The following PA2G4 variants were observed in gnomAD, a reference collection of about 807,000 sequenced individuals.
PA2G4 encodes the protein proliferation-associated protein 2G4.
In PA2G4, 8 loss-of-function variants were observed where a neutral mutation model predicts 53.3. That is an observed-to-expected ratio of 0.15 (90% CI 0.09 to 0.27). The LOEUF is 0.27. Among genes scored for constraint, PA2G4 ranks in the 10% least tolerant of loss-of-function variants. The pLI is 1.00. For synonymous variants in PA2G4, 143 were observed against 169.8 expected (o/e 0.84, Z 1.23); for missense variants, 208 against 486.8 (o/e 0.43, Z 5.39).
chr12:56,108,285 C>T (rs1869342208), intron 5 of PA2G4, among the ~76,000 whole-genome samples: 1 of 152,208 alleles, frequency 6.6e-6, no homozygotes, highest in African/African-American at 2.4e-5. Flanking sequence ...ACTTAACACT[C>T]ATTTAACCTG....
At chr12:56,112,115 C>T (rs1043684006) in intron 12 of PA2G4, among the ~76,000 whole-genome samples, 5 of 152,104 alleles carry the variant, frequency 3.3e-5, no homozygotes, top group East Asian at 2.0e-4. Flanking sequence ...ACTCTGTCTC[C>T]AAAAAAGAGA....
chr12:56,108,698 T>C (rs1016866788), intron 5 of PA2G4, among the ~76,000 whole-genome samples: 6 of 152,214 alleles, frequency 3.9e-5, no homozygotes, highest in East Asian at 1.9e-4. Flanking sequence ...TTTCAACTTA[T>C]GAGTTTTTTG....
Position 56,109,947 on chromosome 12 carries a change from C to T in PA2G4, c.629+12C>T. On this transcript the variant is annotated intron_variant, in intron 7 of 12. Transcript: ENST00000303305. ...ACAGACCAGCAGAAGTAGGTGCCAA[C>T]CCTACTTATTACCTTCTACCACACA... 1 of 1,586,584 alleles carries T rather than the reference C, an allele frequency of 6.3e-7. No individual in the cohort carries two copies. The highest frequency in any genetic ancestry group is 8.7e-7 in the Non-Finnish European group (1 of 1,154,796).
chr12:56,110,837 G>A (rs2136842039), intron 9 of PA2G4, 127 bp from the exon 10 acceptor site: 1 of 1,317,068 alleles, frequency 7.6e-7, no homozygotes, highest in Non-Finnish European at 1.1e-6. Flanking sequence ...TCTCATTGAA[G>A]GTAATGTAAA....
intron 5 of PA2G4, 83 bp from the exon 6 acceptor site, chr12:56,109,147 A>G (rs1193708367): frequency 9.2e-6 from 7 of 763,626 alleles, no homozygotes; most frequent in Non-Finnish European, 1.5e-5. Flanking sequence ...AAAAACGCTC[A>G]GTTCTTTTAT....
rs755116556 is a variant in PA2G4 at position 56,107,045 on chromosome 12, T to C, written c.273T>C (p.Pro91=). The change falls in exon 3 of 13, where the codon CCT becomes CCC. Residue 91 remains proline (P), a synonymous_variant. Transcript: ENST00000303305. ...ATAACTGTGTATGTCACTTCTCCCC[T>C]TTGAAGAGCGACCAGGATTATATTC... is the stretch of plus-strand genomic sequence containing the variant. The part of the protein sequence containing the change: ...SVNNCVCHFS[P]LKSDQDYILK... 2 of 1,613,988 alleles carry C rather than the reference T, an allele frequency of 1.2e-6. No individual in the cohort carries two copies. The highest frequency in any genetic ancestry group is 8.5e-7 in the Non-Finnish European group (1 of 1,179,834).
chr12:56,110,134 G>A (rs1869389125), intron 7 of PA2G4, among the ~76,000 whole-genome samples, 199 bp downstream of exon 7: 1 of 152,162 alleles, frequency 6.6e-6, no homozygotes, highest in African/African-American at 2.4e-5. Context: ...TGAGGCGGGT[G>A]GATCACCTGA....
intron 5 of PA2G4, 29 bp from the exon 6 acceptor site, chr12:56,109,201 T>A: frequency 1.3e-6 from 2 of 1,513,066 alleles, no homozygotes; most frequent in Non-Finnish European, 1.8e-6. Flanking sequence ...TCCTGATATC[T>A]CACCTTTCAT....
intron 6 of PA2G4, among the ~76,000 whole-genome samples, chr12:56,109,608 GA>G (rs1412364686): frequency 6.0e-5 from 8 of 132,270 alleles, no homozygotes; most frequent in Non-Finnish European, 1.1e-4. Context: ...CAATAAGAGC[GA>G]AACTCCATCT....
At chr12:56,109,159 C>A in intron 5 of PA2G4, 71 bp from the exon 6 acceptor site, 2 of 818,546 alleles carry the variant, frequency 2.4e-6, no homozygotes, top group Non-Finnish European at 4.0e-6. Context: ...TTCTTTTATG[C>A]TTCTTATTCT....
At chr12:56,106,463 C>A in intron 1 of PA2G4, 125 bp from the exon 2 acceptor site, 1 of 1,071,056 alleles carries the variant, frequency 9.3e-7, no homozygotes, top group Non-Finnish European at 1.3e-6. Flanking sequence ...GTTGACCTTT[C>A]AGCCTCAGGG....
chr12:56,110,531 C>G, intron 8 of PA2G4, 28 bp from the exon 9 acceptor site: 2 of 1,613,950 alleles, frequency 1.2e-6, no homozygotes, highest in Non-Finnish European at 1.7e-6. Context: ...GTTCACCAGA[C>G]CAAATGTTAC....
intron 5 of PA2G4, among the ~76,000 whole-genome samples, chr12:56,108,967 A>T (rs964156383): frequency 6.6e-6 from 1 of 151,800 alleles, no homozygotes; most frequent in Admixed American, 6.6e-5. Flanking sequence ...CTCTTCTAAA[A>T]ATACAAAAAT....
At chr12:56,110,046 G>A (rs745891518) in intron 7 of PA2G4, 111 bp downstream of exon 7, 2 of 796,980 alleles carry the variant, frequency 2.5e-6, no homozygotes, top group Non-Finnish European at 4.4e-6. Flanking sequence ...TTTCAGGAGT[G>A]ACCTGTTGCT....
At position 56,107,114 on chromosome 12, in the gene PA2G4, A is replaced by G. The variant is rs1241741902; in HGVS notation, c.323+19A>G. 1 of 1,606,668 alleles carries G rather than the reference A, an allele frequency of 6.2e-7. No individual in the cohort carries two copies. Among genetic ancestry groups the G allele is most frequent in the African/African-American group, 1.3e-5 (1 of 74,840 alleles). On this transcript the variant is annotated intron_variant, in intron 3 of 12. Transcript: ENST00000303305. The stretch of plus-strand genomic sequence containing the variant: ...TAAAAATGTAAGGTTAAACCGTTTT[A>G]AAGCATTTTTCTTTTTTTAAAGCAT...
chr12:56,112,638 C>T (rs1869454152), intron 12 of PA2G4, among the ~76,000 whole-genome samples, 185 bp from the exon 13 acceptor site: 1 of 152,024 alleles, frequency 6.6e-6, no homozygotes, highest in African/African-American at 2.4e-5. Context: ...TGCCTATAGT[C>T]CCAGCTACCT....
At chr12:56,105,007 A>T (rs1231144961) in intron 1 of PA2G4, 182 bp downstream of exon 1, 2 of 717,232 alleles carry the variant, frequency 2.8e-6, no homozygotes, top group South Asian at 2.9e-5. Context: ...GGGCAGGCCC[A>T]GGCTGAAGTC....
intron 12 of PA2G4, 33 bp from the exon 13 acceptor site, chr12:56,112,790 C>CA: frequency 7.0e-7 from 1 of 1,429,782 alleles, no homozygotes; most frequent in East Asian, 2.5e-5. Flanking sequence ...TAGAAACTGA[C>CA]AGGTCTTCTC....
At chr12:56,105,108 G>A (rs1302572050) in intron 1 of PA2G4, 2 of 666,854 alleles carry the variant, frequency 3.0e-6, no homozygotes, top group South Asian at 3.0e-5. Flanking sequence ...GGCAAGACGT[G>A]TTTTCTCTTG....
Sources: allele counts gnomAD v4.1 joint callset (sites outside exome capture counted in the v4.1 genomes callset), GRCh38; gene constraint gnomAD v4.1.1; transcripts MANE v1.5; gene names NCBI Gene and HGNC (gene_info 2026-07-23, HGNC 2026-07-21).